Variants in RUNX2 observed in about 807,000 individuals in gnomAD.
RUNX2 encodes runt-related transcription factor 2.
RUNX2 carries 10 observed loss-of-function variants against 51.7 expected under a neutral mutation model. The ratio of observed to expected loss-of-function variants is 0.19; its 90% CI spans 0.12 to 0.33. The LOEUF is 0.33. Among genes scored for constraint, RUNX2 ranks in the 10% least tolerant of loss-of-function variants. The probability of loss-of-function intolerance (pLI) is 1.00; values close to 1 mark genes in which losing one functional copy is unlikely to be tolerated. For missense variants in RUNX2, 562 were observed against 691.3 expected, an observed-to-expected ratio of 0.81 and a Z score of 2.10; for synonymous variants, 276 against 273.6, an observed-to-expected ratio of 1.01 and a Z score of -0.09.
intron 5 of RUNX2, among the ~76,000 whole-genome samples, chr6:45,485,853 T>C (rs376204814): frequency 2.0e-5 from 3 of 151,902 alleles, no homozygotes; most frequent in Non-Finnish European, 4.4e-5. Context: ...ATCATGATTT[T>C]GTCAGTGAGG....
intron 5 of RUNX2, among the ~76,000 whole-genome samples, chr6:45,474,158 CTT>C (rs11296077): frequency 4.9e-5 from 7 of 143,382 alleles, no homozygotes; most frequent in East Asian, 4.0e-4. Flanking sequence ...TTTCTGTTTT[CTT>C]TTTTTTTTTT....
intron 5 of RUNX2, among the ~76,000 whole-genome samples, chr6:45,468,298 C>G (rs1799696991): frequency 6.6e-6 from 1 of 152,074 alleles, no homozygotes; most frequent in African/African-American, 2.4e-5. Context: ...ATGCCATTAC[C>G]ATAGTATAAA....
chr6:45,434,109 C>T (rs899576437), intron 4 of RUNX2, among the ~76,000 whole-genome samples: 17 of 152,054 alleles, frequency 1.1e-4, no homozygotes, highest in African/African-American at 4.1e-4. Flanking sequence ...TTTTATATCA[C>T]TGCATTAACA....
Position 45,382,615 on chromosome 6 carries a change from TG to T in RUNX2, c.59-39977del, listed in dbSNP as rs1420981528. 2.6e-5 allele frequency among the ~76,000 whole-genome samples: 4 copies of T among 152,314 alleles called. No homozygotes were observed. The East Asian group carries it at 7.7e-4, about 29-fold the overall frequency. On this transcript the variant is annotated intron_variant, in intron 2 of 8. Transcript: ENST00000647337. ...GTTGAAGCAACTGCCAGGAGGCCAC[TG>T]TAGCTAAAGAAGAGTAACCCAGAAA... is the stretch of plus-strand genomic sequence containing the variant.
intron 5 of RUNX2, among the ~76,000 whole-genome samples, chr6:45,457,264 A>G (rs1295404662): frequency 2.0e-5 from 3 of 152,210 alleles, no homozygotes; most frequent in Non-Finnish European, 4.4e-5. Context: ...TTAGTGTAGC[A>G]GCTTGTTCAT....
At chr6:45,529,335 A>G (rs1030271143) in intron 7 of RUNX2, among the ~76,000 whole-genome samples, 9 of 152,120 alleles carry the variant, frequency 5.9e-5, no homozygotes, top group African/African-American at 2.2e-4. Flanking sequence ...CAGTGACCAA[A>G]CCTACTCAAA....
intron 5 of RUNX2, among the ~76,000 whole-genome samples, chr6:45,471,089 T>G (rs555090495): frequency 6.5e-4 from 99 of 152,320 alleles, no homozygotes; most frequent in African/African-American, 2.2e-3. Context: ...GGAGCCATCT[T>G]GGGACGTGGA....
At chr6:45,332,088 G>A (rs16873344) in intron 2 of RUNX2, among the ~76,000 whole-genome samples, 2,261 of 151,960 alleles carry the variant, frequency 0.015, 59 homozygotes, top group African/African-American at 0.05. Context: ...TTAAAGCAGC[G>A]CTAATCAATT....
chr6:45,539,837 T>C (rs1277817535), intron 7 of RUNX2, among the ~76,000 whole-genome samples: 1 of 152,334 alleles, frequency 6.6e-6, no homozygotes, highest in Middle Eastern at 3.4e-3. Flanking sequence ...CTTCATTTGC[T>C]TCCTCTTTAG....
intron 2 of RUNX2, among the ~76,000 whole-genome samples, chr6:45,372,396 G>A (rs2150314439): frequency 6.6e-6 from 1 of 152,266 alleles, no homozygotes; most frequent in South Asian, 2.1e-4. Flanking sequence ...AAAGATTACT[G>A]TTAAACATGT....
chr6:45,414,757 T>A (rs1271868046), intron 2 of RUNX2, among the ~76,000 whole-genome samples: 1 of 38,254 alleles, frequency 2.6e-5, no homozygotes, highest in Non-Finnish European at 5.4e-5. Context: ...ATCCTGGCTT[T>A]TTTTTTTTTT....
chr6:45,392,679 G>A (rs1280691876), intron 2 of RUNX2, among the ~76,000 whole-genome samples: 1 of 149,406 alleles, frequency 6.7e-6, no homozygotes, highest in African/African-American at 2.5e-5. Context: ...TTCTAGGTGT[G>A]GAAATTACCT....
chr6:45,388,822 A>G (rs1797413346), intron 2 of RUNX2, among the ~76,000 whole-genome samples: 2 of 148,068 alleles, frequency 1.4e-5, no homozygotes, highest in South Asian at 4.4e-4. Context: ...TACAAAGCAA[A>G]TACTATAAAA....
chr6:45,374,479 C>A (rs1172094424), intron 2 of RUNX2, among the ~76,000 whole-genome samples: 1 of 152,134 alleles, frequency 6.6e-6, no homozygotes, highest in Non-Finnish European at 1.5e-5. Flanking sequence ...AGCAGCAGAG[C>A]GAGAACTCAA....
chr6:45,331,372 T>A (rs568611743), intron 2 of RUNX2, among the ~76,000 whole-genome samples: 1 of 152,130 alleles, frequency 6.6e-6, no homozygotes, highest in East Asian at 1.9e-4. Flanking sequence ...TTGAACATGA[T>A]GTGTGAACAC....
Position 45,547,050 on chromosome 6 carries a change from C to T in RUNX2, c.1311C>T (p.Phe437=), listed in dbSNP as rs781460245. The change falls in exon 9 of 9, where the codon TTC becomes TTT. Residue 437 remains phenylalanine (F), a synonymous_variant. Transcript: ENST00000647337. ...CTTCCCAAAGCCAGAGTGGACCCTT[C>T]CAGACCAGCAGCACTCCATATCTCT... ...PGSSQSQSGP[F]QTSSTPYLYY... 3.1e-6 allele frequency: 5 copies of T among 1,614,176 alleles called. No individual in the cohort carries two copies. The East Asian group carries it at 1.1e-4, about 36-fold the overall frequency.
At chr6:45,338,614 C>T (rs1405529862) in intron 2 of RUNX2, among the ~76,000 whole-genome samples, 1 of 152,038 alleles carries the variant, frequency 6.6e-6, no homozygotes, top group Non-Finnish European at 1.5e-5. Context: ...GGTTACTGAC[C>T]ATGTGATAAA....
intron 2 of RUNX2, among the ~76,000 whole-genome samples, chr6:45,369,179 C>G (rs999938521): frequency 6.6e-6 from 1 of 152,062 alleles, no homozygotes; most frequent in Non-Finnish European, 1.5e-5. Flanking sequence ...CTGACCTCCC[C>G]AGCCTCCTTT....
At chr6:45,464,513 A>G (rs1799568741) in intron 5 of RUNX2, among the ~76,000 whole-genome samples, 1 of 152,216 alleles carries the variant, frequency 6.6e-6, no homozygotes, top group Non-Finnish European at 1.5e-5. Flanking sequence ...CAGCATTCTA[A>G]AACTCTATCT....
Sources: allele counts gnomAD v4.1 joint callset (sites outside exome capture counted in the v4.1 genomes callset), GRCh38; gene constraint gnomAD v4.1.1; transcripts MANE v1.5; gene names NCBI Gene and HGNC (gene_info 2026-07-23, HGNC 2026-07-21).